The following CES1 variants were observed in gnomAD, a reference collection of about 807,000 sequenced individuals.
The protein encoded by CES1 is carboxylesterase 1.
A neutral mutation model predicts 53.0 loss-of-function variants in CES1; 50 were observed. The observed-to-expected ratio is 0.94, with a 90% CI of 0.75 to 1.19. The LOEUF (loss-of-function observed/expected upper bound fraction) is 1.19, where lower values mean the gene tolerates loss of function less well. Among genes scored for constraint, CES1 ranks in the 50% most tolerant of loss-of-function variants. The pLI is 0.00. For missense variants in CES1, 534 were observed against 538.0 expected (o/e 0.99, Z 0.07); for synonymous variants, 202 against 210.1 (o/e 0.96, Z 0.33).
At chr16:55,818,588 AC>A (rs1230117945) in intron 7 of CES1, among the ~76,000 whole-genome samples, 4 of 152,070 alleles carry the variant, frequency 2.6e-5, no homozygotes, top group African/African-American at 7.3e-5. Context: ...ATCCCTGATT[AC>A]TACAATGAAT....
At chr16:55,812,749 T>A (rs1425547891) in intron 9 of CES1, among the ~76,000 whole-genome samples, 154 bp downstream of exon 9, 1 of 152,172 alleles carries the variant, frequency 6.6e-6, no homozygotes, top group South Asian at 2.1e-4. Flanking sequence ...TGTGCCCTCC[T>A]GGAGAAGATT....
At chr16:55,821,337 T>C (rs757976699) in intron 5 of CES1, 31 bp downstream of exon 5, 4 of 1,613,934 alleles carry the variant, frequency 2.5e-6, no homozygotes, top group East Asian at 4.5e-5. Flanking sequence ...ACATCAAGCG[T>C]GGGGTTGGGC....
intron 2 of CES1, among the ~76,000 whole-genome samples, chr16:55,827,047 T>C (rs1244985165): frequency 1.3e-5 from 2 of 152,110 alleles, no homozygotes; most frequent in Non-Finnish European, 2.9e-5. Context: ...CATAGCCAGG[T>C]AGATCCATGC....
chr16:55,832,524 T>C (rs1432045867), intron 1 of CES1, among the ~76,000 whole-genome samples: 12 of 152,176 alleles, frequency 7.9e-5, no homozygotes, highest in Admixed American at 1.3e-4. Context: ...TAGGCAGCAC[T>C]GCCACCTCTG....
chr16:55,825,344 A>G (rs1413604074), intron 3 of CES1, among the ~76,000 whole-genome samples: 3 of 152,152 alleles, frequency 2.0e-5, no homozygotes, highest in Non-Finnish European at 4.4e-5. Context: ...GGCTAGACAC[A>G]ACACCCCTTG....
chr16:55,831,920 A>T (rs1305548335), intron 1 of CES1, among the ~76,000 whole-genome samples: 2 of 151,768 alleles, frequency 1.3e-5, no homozygotes, highest in Admixed American at 1.3e-4. Context: ...CCCTCGCTGC[A>T]CCCCTCTATG....
intron 9 of CES1, among the ~76,000 whole-genome samples, 200 bp from the exon 10 acceptor site, chr16:55,811,210 C>CG (rs2031682461): frequency 7.2e-6 from 1 of 139,300 alleles, no homozygotes. Context: ...GCAAAGTTTA[C>CG]AAAAAAAAAA....
chr16:55,821,838 A>G (rs2032212469), intron 4 of CES1, among the ~76,000 whole-genome samples: 1 of 152,206 alleles, frequency 6.6e-6, no homozygotes, highest in South Asian at 2.1e-4. Context: ...AAACAGATAC[A>G]TAGAGAGAAT....
intron 3 of CES1, 40 bp downstream of exon 3, chr16:55,826,111 T>C (rs1343423851): frequency 6.2e-7 from 1 of 1,613,702 alleles, no homozygotes; most frequent in Admixed American, 1.7e-5. Flanking sequence ...TGCGGGGTAC[T>C]GGCACTGACA....
chr16:55,828,572 G>T (rs1372297319), intron 2 of CES1, among the ~76,000 whole-genome samples, 195 bp downstream of exon 2: 1 of 152,068 alleles, frequency 6.6e-6, no homozygotes, highest in Non-Finnish European at 1.5e-5. Context: ...AACACGCCTG[G>T]CACACAGCAG....
intron 1 of CES1, among the ~76,000 whole-genome samples, chr16:55,830,942 A>G (rs2032640301): frequency 6.6e-6 from 1 of 152,162 alleles, no homozygotes; most frequent in African/African-American, 2.4e-5. Context: ...AAAGAAGACC[A>G]AAGAGCTGGC....
At chr16:55,829,477 A>AT (rs1327817381) in intron 1 of CES1, among the ~76,000 whole-genome samples, 1 of 152,258 alleles carries the variant, frequency 6.6e-6, no homozygotes, top group African/African-American at 2.4e-5. Flanking sequence ...AGGCCTTCTG[A>AT]TTGCGGGCAT....
At position 55,826,350 on chromosome 16, in the gene CES1, T is replaced by G. The variant is rs149765979; in HGVS notation, c.261-55A>C. On this transcript the variant is annotated intron_variant, in intron 2 of 13. Coordinates refer to ENST00000360526, the MANE Select transcript of CES1 (RefSeq NM_001025195.2). ...GTTCAGCCAGATCTAAGCGAGGTGTTTTCTACGGCAGCGCCTTGGACTGGG... is the reference window on the plus strand; with the variant it reads ...GTTCAGCCAGATCTAAGCGAGGTGTGTTCTACGGCAGCGCCTTGGACTGGG... The G allele has an allele frequency of 2.5e-4, 400 of 1,605,818 alleles. No homozygotes were observed. The African/African-American group carries it at 3.8e-3, about 15-fold the overall frequency.
At position 55,822,175 on chromosome 16, in the gene CES1, G is replaced by A. The variant is rs557209458; in HGVS notation, c.540-654C>T. Among the ~76,000 whole-genome samples, 5 of 152,366 alleles carry A rather than the reference G, an allele frequency of 3.3e-5. No individual in the cohort carries two copies. In the South Asian group the frequency reaches 6.2e-4, roughly 19 times the overall value. On this transcript the variant is annotated intron_variant, in intron 4 of 13. Transcript: ENST00000360526. Reference sequence around the variant, plus strand: ...AGAACTTCGGCTGTCATGGTAAGGAGCATGGGAAGCCCCTGCAGGGTTTTG... The same window carrying A: ...AGAACTTCGGCTGTCATGGTAAGGAACATGGGAAGCCCCTGCAGGGTTTTG...
intron 8 of CES1, among the ~76,000 whole-genome samples, chr16:55,814,788 G>T (rs1322032941): frequency 2.0e-5 from 3 of 152,256 alleles, no homozygotes; most frequent in Non-Finnish European, 4.4e-5. Flanking sequence ...GCCAATGAAT[G>T]ACGAGCTAGT....
In CES1 at chr16:55,828,923, A is replaced by C. The variant is rs749254726; in HGVS notation, c.104T>G (p.Leu35Arg). 167 of 1,613,976 alleles carry C rather than the reference A, an allele frequency of 1.0e-4. No homozygotes were observed. In the South Asian group the frequency reaches 1.8e-3, roughly 17 times the overall value. ...PVVDTVHGKV[L>R]GKFVSLEGFA... ...TCCTTCTAAGCTGACGAACTTCCCC[A>C]GCACTTTGCCATGCACGGTGTCCAC... Residue 35 changes from leucine (L) to arginine (R), a missense_variant, in exon 2 of 14, where the codon CTG becomes CGG. This residue lies in a region of CES1 where 164 missense variants were observed against 162.4 expected (regional missense o/e 1.01). Transcript: ENST00000360526.
chr16:55,817,033 A>C, intron 7 of CES1, 71 bp from the exon 8 acceptor site: 1 of 1,523,672 alleles, frequency 6.6e-7, no homozygotes, highest in Admixed American at 1.7e-5. Context: ...TGAGTGGGGC[A>C]ACAGAGGTGT....
chr16:55,830,909 C>A (rs1252675717), intron 1 of CES1, among the ~76,000 whole-genome samples: 3 of 151,764 alleles, frequency 2.0e-5, no homozygotes, highest in African/African-American at 7.3e-5. Context: ...GGTCCCTGAC[C>A]AGAGGTGGGG....
At chr16:55,820,610 C>T in intron 5 of CES1, 131 bp from the exon 6 acceptor site, 3 of 1,440,136 alleles carry the variant, frequency 2.1e-6, no homozygotes, top group Non-Finnish European at 2.9e-6. Flanking sequence ...TGGGCTGACC[C>T]TCTGCCCACC....
Sources: allele counts gnomAD v4.1 joint callset (sites outside exome capture counted in the v4.1 genomes callset), GRCh38; gene constraint gnomAD v4.1.1; regional missense constraint gnomAD v4.1.1; transcripts MANE v1.5; gene names NCBI Gene and HGNC (gene_info 2026-07-23, HGNC 2026-07-21).